TTC34: variants seen among roughly 807,000 people sequenced by gnomAD.
TTC34 encodes tetratricopeptide repeat domain 34.
TTC34 carries 44 observed loss-of-function variants against 40.7 expected under a neutral mutation model. That is an observed-to-expected ratio of 1.08 (90% CI 0.85 to 1.39). The LOEUF (loss-of-function observed/expected upper bound fraction) is 1.39. Ranked by LOEUF, TTC34 falls within the 40% of genes most tolerant of loss-of-function variation. The pLI is 0.00. For missense variants in TTC34, 884 were observed against 838.0 expected (o/e 1.05, Z -0.68); for synonymous variants, 422 against 398.6 (o/e 1.06, Z -0.70).
chr1:2,777,829 G>A lies in TTC34; in HGVS notation c.2226+5780C>T, dbSNP rs559788653. Among the ~76,000 whole-genome samples, 150 of 152,326 alleles carry A rather than the reference G, an allele frequency of 9.8e-4. 2 individuals carry two copies. Among genetic ancestry groups the A allele is most frequent in the Non-Finnish European group, 1.7e-3 (113 of 68,034 alleles). The stretch of plus-strand genomic sequence containing the variant: ...GCTGACTTTCCCTGCCTCTGGTCCT[G>A]CGGCCCTGGACACAGCGGGAGGAGG... On this transcript the variant is annotated intron_variant, in intron 6 of 8. Coordinates refer to ENST00000401095, the Ensembl canonical transcript of TTC34.
intron 6 of TTC34, among the ~76,000 whole-genome samples, chr1:2,685,590 C>G (rs1257279351): frequency 7.6e-6 from 1 of 131,282 alleles, no homozygotes; most frequent in East Asian, 2.3e-4. Flanking sequence ...CACAGAGCAG[C>G]ACCCACACCC....
intron 6 of TTC34, chr1:2,774,684 G>A (rs1435907242): frequency 1.4e-5 from 1 of 69,740 alleles, no homozygotes; most frequent in Non-Finnish European, 2.9e-5. Context: ...GCATCTGACA[G>A]CCTGGAGCAG....
In TTC34 at chr1:2,645,678, G is replaced by A. The variant is rs1243475171; in HGVS notation, c.2227-115C>T. ...CTCATTCCCTGATCTTCTCCCTGGG[G>A]TCCTAGAGGGTCTGAACACCCAGCT... On this transcript the variant is annotated intron_variant, in intron 6 of 8. Transcript: ENST00000401095. This position sits in a 1 kb window ranked among gnomAD's most constrained non-coding sequence, Gnocchi z 4.7. 1.8e-6 allele frequency: 2 copies of A among 1,133,934 alleles called. No homozygotes were observed. The highest frequency in any genetic ancestry group is 3.0e-5 in the East Asian group (1 of 33,548). The allele number at this position is 1,133,934 out of a possible 1,614,324, so 70.2% of individuals were successfully genotyped here. A position where few individuals can be genotyped will look rare whatever the true frequency, so the allele number is the denominator to read the frequency against.
chr1:2,778,061 C>A (rs1643356651), intron 6 of TTC34, among the ~76,000 whole-genome samples: 1 of 152,236 alleles, frequency 6.6e-6, no homozygotes, highest in Non-Finnish European at 1.5e-5. Flanking sequence ...CTCCCTGGGG[C>A]CCAGGCTGGC....
At chr1:2,752,693 G>A (rs1438333782) in intron 6 of TTC34, among the ~76,000 whole-genome samples, 14 of 109,804 alleles carry the variant, frequency 1.3e-4, no homozygotes, top group East Asian at 9.8e-4. Context: ...GCACCCATAC[G>A]CCCAGATGAG....
At chr1:2,751,439 G>A (rs1443353268) in intron 6 of TTC34, among the ~76,000 whole-genome samples, 1,220 of 12,986 alleles carry the variant, frequency 0.094, 8 homozygotes, top group East Asian at 0.17. Context: ...CTGGAACAGA[G>A]CCCAGACCCC....
intron 6 of TTC34, among the ~76,000 whole-genome samples, chr1:2,660,035 GCGAGCA>G (rs1639483852): frequency 6.6e-6 from 1 of 151,702 alleles, no homozygotes; most frequent in Non-Finnish European, 1.5e-5. Context: ...ACACCCCCAG[GCGAGCA>G]TCTGATAGCC....
At chr1:2,783,463 G>T (rs998619791) in intron 6 of TTC34, 146 bp downstream of exon 6, 1 of 816,848 alleles carries the variant, frequency 1.2e-6, no homozygotes, top group Non-Finnish European at 1.7e-6. Context: ...CCGCTGTACA[G>T]GTGGGGATGG....
intron 2 of TTC34, among the ~76,000 whole-genome samples, chr1:2,790,584 C>G (rs971395223): frequency 2.0e-5 from 3 of 152,190 alleles, no homozygotes; most frequent in Non-Finnish European, 4.4e-5. Context: ...GGGCAAGCGG[C>G]GAGGGGGCAG....
chr1:2,798,960 T>G (rs1328973612), intron 2 of TTC34, among the ~76,000 whole-genome samples: 1 of 95,966 alleles, frequency 1.0e-5, no homozygotes, highest in Non-Finnish European at 2.0e-5. Context: ...CCTCCAAGCC[T>G]GCCAGCCTCC....
At chr1:2,792,856 A>G (rs1386392269) in intron 2 of TTC34, among the ~76,000 whole-genome samples, 1 of 152,222 alleles carries the variant, frequency 6.6e-6, no homozygotes, top group Non-Finnish European at 1.5e-5. Context: ...TGACTCATAG[A>G]TTGAGGAGCC....
Position 2,751,078 on chromosome 1 carries a change from C to G in TTC34, c.2226+32531G>C, listed in dbSNP as rs1433898099. On this transcript the variant is annotated intron_variant, in intron 6 of 8. Transcript: ENST00000401095. Reference sequence around the variant, plus strand: ...GTGAGCATCTGACAGACTGGAACACCTCCCACATGCCCAGCTGAGCCTCTG... The same window carrying G: ...GTGAGCATCTGACAGACTGGAACACGTCCCACATGCCCAGCTGAGCCTCTG... 1.7e-4 allele frequency among the ~76,000 whole-genome samples: 18 copies of G among 106,330 alleles called. 5 individuals are homozygous for G. The East Asian group carries it at 5.0e-3, about 30-fold the overall frequency. 69.8% of individuals were successfully genotyped at this position (106,330 alleles called of 152,430 possible).
At chr1:2,694,713 A>C (rs757032622) in intron 6 of TTC34, among the ~76,000 whole-genome samples, 19 of 35,194 alleles carry the variant, frequency 5.4e-4, no homozygotes, top group East Asian at 1.4e-3. Flanking sequence ...ACCCACAACC[A>C]CAGGTGAGCA....
At chr1:2,752,484 A>AC (rs1641355057) in intron 6 of TTC34, among the ~76,000 whole-genome samples, 1 of 147,258 alleles carries the variant, frequency 6.8e-6, no homozygotes, top group African/African-American at 2.5e-5. Context: ...CTGGAACAGC[A>AC]CCCACACAGC....
intron 6 of TTC34, among the ~76,000 whole-genome samples, chr1:2,752,941 G>C (rs1400876574): frequency 7.6e-6 from 1 of 132,440 alleles, no homozygotes; most frequent in South Asian, 2.5e-4. Flanking sequence ...ACAACCCCAG[G>C]TGAGCATCCG....
chr1:2,685,100 CTTGGAT>C (rs1640266650), intron 6 of TTC34, among the ~76,000 whole-genome samples: 1 of 136,660 alleles, frequency 7.3e-6, no homozygotes, highest in Non-Finnish European at 1.5e-5. Context: ...CACGTGACAG[CTTGGAT>C]CAGCACCCAC....
chr1:2,653,449 C>G (rs1361895543), intron 6 of TTC34, among the ~76,000 whole-genome samples: 1 of 145,622 alleles, frequency 6.9e-6, no homozygotes, highest in African/African-American at 2.6e-5. Flanking sequence ...CAGCCTGCAC[C>G]CCCAGGTGTG....
intron 8 of TTC34, 27 bp from the exon 9 acceptor site, chr1:2,641,922 G>A (rs1331468294): frequency 1.4e-6 from 2 of 1,444,574 alleles, no homozygotes; most frequent in Non-Finnish European, 1.8e-6. Context: ...GAGAGAGGCA[G>A]GGAGAGTGGG....
rs554015473 is a variant in TTC34 at position 2,768,504 on chromosome 1, G to A, written c.2226+15105C>T. The stretch of plus-strand genomic sequence containing the variant: ...AGTGGGGAAAAGCTCCCCGCCCTCA[G>A]GTGAGTGTCTGACAGCCTGGAACAG... On this transcript the variant is annotated intron_variant, in intron 6 of 8. Transcript: ENST00000401095. Among the ~76,000 whole-genome samples, 6 of 151,426 alleles carry A rather than the reference G, an allele frequency of 4.0e-5. No homozygotes were observed. The East Asian group carries it at 1.2e-3, about 29-fold the overall frequency.
Sources: allele counts gnomAD v4.1 joint callset (sites outside exome capture counted in the v4.1 genomes callset), GRCh38; gene constraint gnomAD v4.1.1; non-coding constraint Gnocchi (gnomAD v3.1); transcripts MANE v1.5; gene names NCBI Gene and HGNC (gene_info 2026-07-23, HGNC 2026-07-21).